SLC5A9: variants seen among roughly 807,000 people sequenced by gnomAD.
SLC5A9 encodes sodium/glucose cotransporter 4.
A neutral mutation model predicts 70.9 loss-of-function variants in SLC5A9; 59 were observed. The observed-to-expected ratio is 0.83, with a 90% CI of 0.68 to 1.03. SLC5A9 has a LOEUF of 1.03. Among genes scored for constraint, SLC5A9 ranks in the 50% least tolerant of loss-of-function variants. The pLI, the probability that SLC5A9 is intolerant of heterozygous loss-of-function variation, is 0.00. For missense variants in SLC5A9, 832 were observed against 881.1 expected (o/e 0.94, Z 0.71); for synonymous variants, 340 against 346.5 (o/e 0.98, Z 0.21).
intron 12 of SLC5A9, chr1:48,241,939 C>T (rs1644396041): frequency 8.8e-6 from 4 of 456,164 alleles, no homozygotes; most frequent in African/African-American, 4.0e-5. Flanking sequence ...TACCCATTTC[C>T]TCAGGTGCCC....
In SLC5A9 at chr1:48,229,027, G is replaced by T. The variant is rs1644206083; in HGVS notation, c.339+73G>T. 298 of 1,613,614 alleles carry T rather than the reference G, an allele frequency of 1.8e-4. 3 individuals are homozygous for T. In the South Asian group the frequency reaches 3.2e-3, roughly 17 times the overall value. On this transcript the variant is annotated intron_variant, in intron 3 of 13. Transcript: ENST00000438567. The stretch of plus-strand genomic sequence containing the variant: ...CCTCTGTCTCTGGCATTAGTGCTGG[G>T]AGGATCCTTAGAGATGCCTGGGAGG...
At position 48,248,226 on chromosome 1, in the gene SLC5A9, T is replaced by C. The variant is rs1644480818; in HGVS notation, c.*683T>C. 1 of 152,792 alleles carries C rather than the reference T, an allele frequency of 6.5e-6. No homozygotes were observed. Among genetic ancestry groups the C allele is most frequent in the Non-Finnish European group, 1.5e-5 (1 of 68,514 alleles). The allele number at this position is 152,792 out of a possible 1,614,324, so 9.5% of individuals were successfully genotyped here. A position where few individuals can be genotyped will look rare whatever the true frequency, so the allele number is the denominator to read the frequency against. On this transcript the variant is annotated 3_prime_UTR_variant, in exon 14 of 14. Coordinates refer to ENST00000438567, the MANE Select transcript of SLC5A9 (RefSeq NM_001011547.3). ...CTCTTCCTACTCTCTAACCCAAATA[T>C]GCACAAACTCTCTATGGCCTTGAGA...
chr1:48,246,631 C>T (rs1644462984), intron 13 of SLC5A9, among the ~76,000 whole-genome samples: 1 of 152,142 alleles, frequency 6.6e-6, no homozygotes, highest in South Asian at 2.1e-4. Flanking sequence ...CCAAGGAAGC[C>T]CGTGTCTGCA....
chr1:48,231,398 G>A (rs1431998150), intron 5 of SLC5A9, 147 bp from the exon 6 acceptor site: 5 of 982,544 alleles, frequency 5.1e-6, no homozygotes, highest in Non-Finnish European at 7.4e-6. Flanking sequence ...GGAACACTAG[G>A]TGCGGAGAAA....
At chr1:48,240,453 AGC>A (rs1024427603) in intron 12 of SLC5A9, 3 of 152,252 alleles carry the variant, frequency 2.0e-5, no homozygotes, top group Non-Finnish European at 2.9e-5. Context: ...CCCATAACAG[AGC>A]CCATGCTGGA....
chr1:48,232,510 C>T lies in SLC5A9; in HGVS notation c.1033+8C>T, dbSNP rs775095697. 3.0e-5 allele frequency: 49 copies of T among 1,613,874 alleles called. 1 individual carries two copies. Among genetic ancestry groups the T allele is most frequent in the Admixed American group, 6.7e-5 (4 of 59,988 alleles). On this transcript the variant is annotated splice_region_variant and intron_variant, in intron 8 of 13. Coordinates refer to ENST00000438567, the MANE Select transcript of SLC5A9 (RefSeq NM_001011547.3). The stretch of plus-strand genomic sequence containing the variant: ...GCCGGGCCCTGTTCCCAGGTAAGAA[C>T]GAGCCTTGCTCTCTGGGTATTGGGA...
chr1:48,238,694 A>G (rs1241282677), intron 11 of SLC5A9: 1 of 152,736 alleles, frequency 6.5e-6, no homozygotes, highest in African/African-American at 2.4e-5. Context: ...GCCGCACAGC[A>G]GTACCTGGCT....
intron 4 of SLC5A9, 157 bp downstream of exon 4, chr1:48,229,616 G>A (rs1394048890): frequency 5.2e-6 from 6 of 1,163,408 alleles, no homozygotes; most frequent in Non-Finnish European, 7.1e-6. Context: ...TTCTGCCTCA[G>A]CACTGGGGTA....
chr1:48,235,590 G>A, intron 9 of SLC5A9, 139 bp from the exon 10 acceptor site: 1 of 937,018 alleles, frequency 1.1e-6, no homozygotes, highest in South Asian at 1.6e-5. Context: ...TGTGCTGGAT[G>A]GGAGCCTCAT....
At chr1:48,227,402 C>T (rs528472703) in intron 2 of SLC5A9, among the ~76,000 whole-genome samples, 1 of 118,266 alleles carries the variant, frequency 8.5e-6, no homozygotes, top group South Asian at 3.0e-4. Context: ...TGTACTGTGC[C>T]TGTGTGGGCG....
At chr1:48,229,926 T>C (rs1173765600) in intron 4 of SLC5A9, among the ~76,000 whole-genome samples, 2 of 152,220 alleles carry the variant, frequency 1.3e-5, no homozygotes, top group Non-Finnish European at 2.9e-5. Flanking sequence ...CACTCTGTTA[T>C]GTTTTAGACC....
intron 2 of SLC5A9, among the ~76,000 whole-genome samples, chr1:48,226,212 C>T (rs1424301998): frequency 6.6e-6 from 1 of 152,118 alleles, no homozygotes; most frequent in African/African-American, 2.4e-5. Context: ...TCAGCTAGTG[C>T]CCCCCAAATC....
At chr1:48,233,232 A>G (rs992761067) in intron 8 of SLC5A9, among the ~76,000 whole-genome samples, 6 of 151,728 alleles carry the variant, frequency 4.0e-5, no homozygotes, top group Admixed American at 3.9e-4. Context: ...GTGATGGCAC[A>G]TGCCTGTAAT....
intron 8 of SLC5A9, 101 bp downstream of exon 8, chr1:48,232,603 G>T: frequency 1.4e-6 from 2 of 1,480,856 alleles, no homozygotes; most frequent in South Asian, 1.3e-5. Flanking sequence ...CCAGAGCAGG[G>T]GTTGGCAAGG....
chr1:48,242,572 G>A lies in SLC5A9; in HGVS notation c.1793G>A (p.Gly598Asp), dbSNP rs1488383995. Residue 598 changes from glycine (G) to aspartate (D), a missense_variant, in exon 13 of 14, where the codon GGT becomes GAT. Gly to Asp is a moderately conservative substitution (Grantham distance 94). Transcript: ENST00000438567. Reference protein sequence around the residue: ...ERPAGECPAGGGAAENSSLGQ... With the variant: ...ERPAGECPAGDGAAENSSLGQ... Reference sequence around the variant, plus strand: ...CCAGCCGGGGAGTGCCCTGCAGGAGGTGGAGCGGCAGAGAACTCGAGCCTG... The same window carrying A: ...CCAGCCGGGGAGTGCCCTGCAGGAGATGGAGCGGCAGAGAACTCGAGCCTG... 1 of 1,613,252 alleles carries A rather than the reference G, an allele frequency of 6.2e-7. No homozygotes were observed.
intron 11 of SLC5A9, chr1:48,238,467 G>T (rs1644356583): frequency 6.6e-6 from 1 of 152,280 alleles, no homozygotes; most frequent in African/African-American, 2.4e-5. Flanking sequence ...GAAGCTAGCG[G>T]TACCCCAGGG....
chr1:48,231,746 CT>C (rs1486553606), intron 6 of SLC5A9, 121 bp downstream of exon 6: 6 of 1,516,876 alleles, frequency 4.0e-6, no homozygotes, highest in Non-Finnish European at 5.3e-6. Context: ...GCCATGTCCC[CT>C]CTCCAGGCTG....
Position 48,222,847 on chromosome 1 carries a change from C to T in SLC5A9, c.111C>T (p.Asp37=), listed in dbSNP as rs1644091103. The change falls in exon 1 of 14, where the codon GAC becomes GAT. Residue 37 remains aspartate, a synonymous_variant. Coordinates refer to ENST00000438567, the MANE Select transcript of SLC5A9 (RefSeq NM_001011547.3). ...LDSRVGLHAY[D]ISVVVIYFVF... is the part of the protein sequence containing the mutation. Reference sequence around the variant, plus strand: ...CCAGAGTTGGTCTGCACGCCTACGACATCAGCGTGGTGGTCATCTACTTTG... The same window carrying T: ...CCAGAGTTGGTCTGCACGCCTACGATATCAGCGTGGTGGTCATCTACTTTG... 1.9e-6 allele frequency: 3 copies of T among 1,614,166 alleles called. No individual in the cohort carries two copies. Among genetic ancestry groups the T allele is most frequent in the Non-Finnish European group, 2.5e-6 (3 of 1,180,034 alleles).
chr1:48,224,317 G>T (rs1160576022), intron 1 of SLC5A9, among the ~76,000 whole-genome samples: 1 of 152,222 alleles, frequency 6.6e-6, no homozygotes, highest in Non-Finnish European at 1.5e-5. Context: ...CCTCCAGTGT[G>T]GGAGCTCAGC....
Sources: allele counts gnomAD v4.1 joint callset (sites outside exome capture counted in the v4.1 genomes callset), GRCh38; gene constraint gnomAD v4.1.1; transcripts MANE v1.5; gene names NCBI Gene and HGNC (gene_info 2026-07-23, HGNC 2026-07-21).